Variants in IQCM observed in about 807,000 individuals in gnomAD.
IQCM encodes the protein IQ motif containing M.
In IQCM, 45 loss-of-function variants were observed where a neutral mutation model predicts 57.6. The ratio of observed to expected loss-of-function variants is 0.78; its 90% confidence interval spans 0.62 to 1.00. IQCM has a LOEUF of 1.00. Among genes scored for constraint, IQCM ranks in the 50% least tolerant of loss-of-function variants. IQCM has a pLI of 0.00. For synonymous variants in IQCM, 148 were observed against 158.9 expected (o/e 0.93, Z 0.51); for missense variants, 468 against 511.6 (o/e 0.91, Z 0.82).
At chr4:149,582,298 T>C (rs1752260543) in intron 9 of IQCM, among the ~76,000 whole-genome samples, 1 of 86,170 alleles carries the variant, frequency 1.2e-5, no homozygotes, top group Admixed American at 1.4e-4. Flanking sequence ...CCAATGAAGA[T>C]GCTGTAGACA....
chr4:149,790,083 C>G, intron 2 of IQCM: 1 of 642,218 alleles, frequency 1.6e-6, no homozygotes, highest in Non-Finnish European at 2.5e-6. Context: ...ACTTCATCTG[C>G]AGCATCCTCA....
At chr4:149,615,059 T>G (rs1178567867) in intron 8 of IQCM, among the ~76,000 whole-genome samples, 1 of 152,208 alleles carries the variant, frequency 6.6e-6, no homozygotes, top group Non-Finnish European at 1.5e-5. Context: ...TCTATCCTCC[T>G]ATTTTAAGAA....
intron 8 of IQCM, among the ~76,000 whole-genome samples, chr4:149,608,546 T>C (rs1027333851): frequency 6.6e-6 from 1 of 151,818 alleles, no homozygotes; most frequent in Non-Finnish European, 1.5e-5. Flanking sequence ...TTTAAAAACA[T>C]TGAAATCATA....
At chr4:149,644,185 T>G (rs1758443472) in intron 7 of IQCM, among the ~76,000 whole-genome samples, 1 of 152,144 alleles carries the variant, frequency 6.6e-6, no homozygotes, top group Non-Finnish European at 1.5e-5. Context: ...AAATCTACTA[T>G]TGTAAAATAT....
At chr4:149,603,243 T>C (rs1275016157) in intron 8 of IQCM, among the ~76,000 whole-genome samples, 1 of 152,146 alleles carries the variant, frequency 6.6e-6, no homozygotes, top group Non-Finnish European at 1.5e-5. Context: ...AAAATATAAG[T>C]ATTGAAAGCA....
chr4:149,657,081 T>G (rs987604008), intron 7 of IQCM, among the ~76,000 whole-genome samples: 1 of 152,166 alleles, frequency 6.6e-6, no homozygotes, highest in Non-Finnish European at 1.5e-5. Flanking sequence ...ATCATCACCC[T>G]ACTGTGCAAC....
intron 12 of IQCM, among the ~76,000 whole-genome samples, chr4:149,440,156 C>T (rs757352510): frequency 8.8e-6 from 1 of 113,342 alleles, no homozygotes; most frequent in Non-Finnish European, 1.7e-5. Flanking sequence ...TTAGTAGAGA[C>T]GGGGTTTCTC....
chr4:149,356,314 C>T (rs1313040233), intron 13 of IQCM, among the ~76,000 whole-genome samples: 12 of 152,000 alleles, frequency 7.9e-5, no homozygotes, highest in East Asian at 1.9e-4. Context: ...CATGAAGTCC[C>T]TGCCCATGCC....
chr4:149,533,545 A>G (rs577378002), intron 12 of IQCM, among the ~76,000 whole-genome samples: 23 of 152,144 alleles, frequency 1.5e-4, no homozygotes, highest in Non-Finnish European at 3.2e-4. Context: ...GACTGGGTAC[A>G]TAAAGAAATA....
At chr4:149,777,969 C>G (rs1410911209) in intron 2 of IQCM, among the ~76,000 whole-genome samples, 3 of 152,212 alleles carry the variant, frequency 2.0e-5, no homozygotes, top group African/African-American at 4.8e-5. Flanking sequence ...CCTATTCTCT[C>G]TACCTTGAAG....
At chr4:149,373,743 T>C (rs1372819683) in intron 13 of IQCM, among the ~76,000 whole-genome samples, 1 of 152,102 alleles carries the variant, frequency 6.6e-6, no homozygotes, top group African/African-American at 2.4e-5. Flanking sequence ...ATATTGATTC[T>C]GTCATGGATA....
chr4:149,590,931 C>G (rs940285383), intron 8 of IQCM, among the ~76,000 whole-genome samples: 7 of 151,948 alleles, frequency 4.6e-5, no homozygotes, highest in Non-Finnish European at 8.8e-5. Flanking sequence ...TGTGTCTTTA[C>G]AGTAGAATGA....
intron 3 of IQCM, among the ~76,000 whole-genome samples, chr4:149,738,026 A>G (rs1767102933): frequency 6.6e-6 from 1 of 152,162 alleles, no homozygotes; most frequent in South Asian, 2.1e-4. Flanking sequence ...TGTTGTTCAA[A>G]ATGTAGCTTT....
In IQCM at chr4:149,712,263, G is replaced by C. The variant is rs544234253; in HGVS notation, c.385+20981C>G. Among the ~76,000 whole-genome samples the C allele has an allele frequency of 2.7e-4, 41 of 152,188 alleles. 1 individual carries two copies. The highest frequency in any genetic ancestry group is 2.0e-3 in the Admixed American group (30 of 15,286). On this transcript the variant is annotated intron_variant, in intron 5 of 13. Coordinates refer to ENST00000636793, the MANE Select transcript of IQCM (RefSeq NM_001363507.2). ...TAATAACTACCTTGGGCACTGACTT[G>C]CTCAGGCAACAGCTGTTTTGCACCG... is the stretch of plus-strand genomic sequence containing the variant.
intron 12 of IQCM, among the ~76,000 whole-genome samples, chr4:149,485,461 T>C (rs552346142): frequency 9.2e-5 from 14 of 151,902 alleles, no homozygotes; most frequent in Admixed American, 9.2e-4. Context: ...TCAAGCTCAC[T>C]AATTCCTTCT....
chr4:149,408,887 G>A (rs540135893), intron 13 of IQCM, among the ~76,000 whole-genome samples: 230 of 152,184 alleles, frequency 1.5e-3, no homozygotes, highest in African/African-American at 5.2e-3. Flanking sequence ...AGGTCTAGAC[G>A]TGTTTTTTTA....
At chr4:149,406,447 A>G (rs1434252678) in intron 13 of IQCM, among the ~76,000 whole-genome samples, 2 of 152,108 alleles carry the variant, frequency 1.3e-5, no homozygotes. Context: ...CGGACATCAC[A>G]TATGAAGGTC....
intron 13 of IQCM, among the ~76,000 whole-genome samples, chr4:149,388,741 T>C (rs1296671101): frequency 6.9e-6 from 1 of 145,342 alleles, no homozygotes; most frequent in Non-Finnish European, 1.5e-5. Context: ...TATATATATA[T>C]GACATATATA....
intron 7 of IQCM, among the ~76,000 whole-genome samples, chr4:149,669,227 T>A (rs895431068): frequency 2.6e-5 from 4 of 152,166 alleles, no homozygotes; most frequent in Admixed American, 2.6e-4. Flanking sequence ...TCTCTGATGG[T>A]CAGTGATGAT....
Sources: gnomAD v4.1 joint callset for allele counts (sites outside exome capture counted in the v4.1 genomes callset) on GRCh38, gnomAD v4.1.1 for gene constraint, MANE v1.5 for transcripts, NCBI Gene and HGNC (gene_info 2026-07-23, HGNC 2026-07-21) for gene names.